The following ZNF722 variants were observed in gnomAD, a reference collection of about 807,000 sequenced individuals.
ZNF722 encodes zinc finger protein 722.
the ZNF722 span, chr7:64,015,388 C>T: frequency 6.6e-7 from 1 of 1,526,348 alleles, no homozygotes; most frequent in Non-Finnish European, 9.0e-7. Flanking sequence ...ATAATTCATA[C>T]TAAGGAGAAG....
At chr7:63,999,180 C>G in the ZNF722 span, among the ~76,000 whole-genome samples, 1 of 152,214 alleles carries the variant, frequency 6.6e-6, no homozygotes, top group African/African-American at 2.4e-5. Flanking sequence ...GGGCCAGCGG[C>G]TGGGACCCTG....
the ZNF722 span, among the ~76,000 whole-genome samples, chr7:64,009,905 T>A: frequency 6.6e-6 from 1 of 152,198 alleles, no homozygotes; most frequent in Non-Finnish European, 1.5e-5. Context: ...TATTAATTAT[T>A]GCCTCAATTT....
the ZNF722 span, among the ~76,000 whole-genome samples, chr7:64,000,132 T>TTGTG: frequency 9.1e-4 from 127 of 139,808 alleles, 2 homozygotes; most frequent in African/African-American, 2.8e-3. Flanking sequence ...TTTTTTTTTT[T>TTGTG]TGTGTGTGTG....
At chr7:64,001,924 C>T in the ZNF722 span, among the ~76,000 whole-genome samples, 1 of 152,022 alleles carries the variant, frequency 6.6e-6, no homozygotes, top group Non-Finnish European at 1.5e-5. Flanking sequence ...CACTCTATTG[C>T]CCAGGCTGGA....
the ZNF722 span, among the ~76,000 whole-genome samples, chr7:64,004,426 A>AAAAAAAAAAAAATATATATATATG: frequency 4.2e-5 from 2 of 47,660 alleles, no homozygotes; most frequent in Non-Finnish European, 7.6e-5. Context: ...AAAAAAAAAA[A>AAAAAAAAAAAAATATATATATATG]TATATATATA....
the ZNF722 span, among the ~76,000 whole-genome samples, chr7:64,000,859 C>G: frequency 2.0e-5 from 3 of 152,078 alleles, no homozygotes; most frequent in Non-Finnish European, 4.4e-5. Flanking sequence ...CTCATTACAA[C>G]CTCCGTGTCC....
chr7:64,003,938 C>T, the ZNF722 span, among the ~76,000 whole-genome samples: 90 of 152,194 alleles, frequency 5.9e-4, 3 homozygotes, highest in Middle Eastern at 0.024. Flanking sequence ...TTAGAAAATG[C>T]TCATTTATAC....
the ZNF722 span, among the ~76,000 whole-genome samples, chr7:64,001,242 C>A: frequency 6.6e-6 from 1 of 152,168 alleles, no homozygotes. Context: ...CATCCTCCGA[C>A]CCTCCACCCT....
chr7:64,009,780 T>A, the ZNF722 span, among the ~76,000 whole-genome samples: 1 of 152,246 alleles, frequency 6.6e-6, no homozygotes, highest in African/African-American at 2.4e-5. Context: ...GAGGATTCCC[T>A]CTTTTTCTAT....
chr7:64,002,520 T>C, the ZNF722 span, among the ~76,000 whole-genome samples: 1 of 152,176 alleles, frequency 6.6e-6, no homozygotes, highest in Non-Finnish European at 1.5e-5. Context: ...ATTTCATATG[T>C]TTTTTGTGGT....
chr7:64,008,807 G>T, the ZNF722 span, among the ~76,000 whole-genome samples: 497 of 152,230 alleles, frequency 3.3e-3, 1 homozygote, highest in African/African-American at 0.011. Flanking sequence ...TGATGGGGAT[G>T]GCATTGAATC....
chr7:64,006,230 C>A, the ZNF722 span: 1 of 1,272,130 alleles, frequency 7.9e-7, no homozygotes, highest in Non-Finnish European at 1.1e-6. Context: ...ACAGGTATTG[C>A]TGACTCTAAG....
chr7:64,005,443 T>C, the ZNF722 span, among the ~76,000 whole-genome samples: 5 of 152,348 alleles, frequency 3.3e-5, no homozygotes, highest in East Asian at 9.6e-4. Flanking sequence ...AGTTAGAGAA[T>C]ACTTCAGTGT....
the ZNF722 span, among the ~76,000 whole-genome samples, chr7:64,008,399 C>A: frequency 1.3e-5 from 2 of 152,130 alleles, no homozygotes. Flanking sequence ...AGTCTTTAAT[C>A]AATCTTGAAT....
chr7:64,012,635 C>T, the ZNF722 span, among the ~76,000 whole-genome samples: 1 of 152,124 alleles, frequency 6.6e-6, no homozygotes, highest in Non-Finnish European at 1.5e-5. Flanking sequence ...TTTACTAAGA[C>T]TTATGTGTTC....
At chr7:64,013,441 A>C in the ZNF722 span, among the ~76,000 whole-genome samples, 156 of 152,044 alleles carry the variant, frequency 1.0e-3, no homozygotes, top group African/African-American at 3.5e-3. Flanking sequence ...TTGTGTGTCT[A>C]TAAAGATTTT....
the ZNF722 span, among the ~76,000 whole-genome samples, chr7:64,000,388 C>G: frequency 7.0e-6 from 1 of 142,702 alleles, no homozygotes; most frequent in Admixed American, 7.4e-5. Flanking sequence ...CTGGGCTTCC[C>G]AAAGTGCTGG....
the ZNF722 span, chr7:64,005,828 T>C: frequency 8.4e-7 from 1 of 1,190,778 alleles, no homozygotes. Context: ...GCATGAATAA[T>C]TTTTAGCTCT....
chr7:64,004,456 A>ATATATATATATATATATAT, the ZNF722 span, among the ~76,000 whole-genome samples: 6 of 140,202 alleles, frequency 4.3e-5, no homozygotes, highest in African/African-American at 1.3e-4. Context: ...ATATATATAT[A>ATATATATATATATATATAT]AAATTAAATT....
Sources: allele counts gnomAD v4.1 joint callset (sites outside exome capture counted in the v4.1 genomes callset), GRCh38; gene constraint gnomAD v4.1.1; transcripts MANE v1.5; gene names NCBI Gene and HGNC (gene_info 2026-07-23, HGNC 2026-07-21).